ARFGAP3: variants seen among roughly 807,000 people sequenced by gnomAD.
ARFGAP3 encodes the protein ADP-ribosylation factor GTPase-activating protein 3.
In ARFGAP3, 72 loss-of-function variants were observed where a neutral mutation model predicts 75.0. The observed-to-expected ratio is 0.96, with a 90% CI of 0.79 to 1.17. The LOEUF (loss-of-function observed/expected upper bound fraction) is 1.17. Among genes scored for constraint, ARFGAP3 ranks in the 50% most tolerant of loss-of-function variants. ARFGAP3 has a pLI of 0.00. For synonymous variants in ARFGAP3, 221 were observed against 217.9 expected (o/e 1.01, Z -0.13); for missense variants, 620 against 626.6 (o/e 0.99, Z 0.11).
intron 14 of ARFGAP3, among the ~76,000 whole-genome samples, chr22:42,802,851 C>T (rs1225874331): frequency 7.2e-5 from 11 of 152,094 alleles, no homozygotes; most frequent in South Asian, 2.1e-4. Flanking sequence ...CTGCCCGCCT[C>T]GGCCTCCCAA....
At chr22:42,841,711 T>C (rs17410352) in intron 2 of ARFGAP3, among the ~76,000 whole-genome samples, 4,368 of 152,220 alleles carry the variant, frequency 0.029, 81 homozygotes, top group African/African-American at 0.04. Flanking sequence ...TATTCAGTAA[T>C]AGCTTGCCCT....
intron 11 of ARFGAP3, among the ~76,000 whole-genome samples, chr22:42,815,391 TG>T (rs1569143931): frequency 6.7e-6 from 1 of 149,740 alleles, no homozygotes; most frequent in African/African-American, 2.5e-5. Context: ...AATACCACCA[TG>T]GAACACCACT....
chr22:42,808,766 C>T lies in ARFGAP3; in HGVS notation c.1320+1G>A, dbSNP rs1277821937. 2 of 1,609,400 alleles carry T rather than the reference C, an allele frequency of 1.2e-6. No individual in the cohort carries two copies. Among genetic ancestry groups the T allele is most frequent in the African/African-American group, 1.3e-5 (1 of 74,812 alleles). ...CCCAAAGAAACTCTCTGGACCCTTA[C>T]ATCAGCCTGGGATTGTCTTCCAAAA... On this transcript the variant is annotated splice_donor_variant, in intron 13 of 15. Transcript: ENST00000263245. LOFTEE classifies it high-confidence loss of function.
At chr22:42,832,252 G>A (rs1926326321) in intron 5 of ARFGAP3, among the ~76,000 whole-genome samples, 1 of 151,856 alleles carries the variant, frequency 6.6e-6, no homozygotes, top group South Asian at 2.1e-4. Flanking sequence ...AATAAGCTGG[G>A]CACAGTGGCT....
chr22:42,804,744 G>A (rs906182725), intron 14 of ARFGAP3, among the ~76,000 whole-genome samples: 2 of 152,040 alleles, frequency 1.3e-5, no homozygotes, highest in Non-Finnish European at 2.9e-5. Flanking sequence ...TTGAACTCTC[G>A]ACCTCAGGTG....
chr22:42,823,541 C>A (rs1209576148), intron 8 of ARFGAP3, 115 bp downstream of exon 8: 4 of 743,742 alleles, frequency 5.4e-6, no homozygotes, highest in East Asian at 3.1e-5. Context: ...CTCCTTATAT[C>A]AAAGCTACAT....
At chr22:42,828,857 G>C (rs1926161364) in intron 6 of ARFGAP3, among the ~76,000 whole-genome samples, 1 of 151,760 alleles carries the variant, frequency 6.6e-6, no homozygotes, top group South Asian at 2.1e-4. Context: ...GCTAATTTTT[G>C]TATTTTTAGT....
At chr22:42,840,056 G>A (rs541607577) in intron 3 of ARFGAP3, among the ~76,000 whole-genome samples, 4 of 151,938 alleles carry the variant, frequency 2.6e-5, no homozygotes, top group South Asian at 4.2e-4. Context: ...TCAGCCTCCC[G>A]AGTAGCTGGG....
chr22:42,837,675 CTTTTTTT>C (rs71186547), intron 3 of ARFGAP3, among the ~76,000 whole-genome samples: 13 of 75,666 alleles, frequency 1.7e-4, no homozygotes, highest in African/African-American at 5.6e-4. Context: ...AGGCATACTT[CTTTTTTT>C]TTTTTTTTTT....
intron 3 of ARFGAP3, among the ~76,000 whole-genome samples, chr22:42,837,290 C>T (rs1308984507): frequency 3.9e-5 from 6 of 151,972 alleles, no homozygotes; most frequent in African/African-American, 1.5e-4. Context: ...AGTGAGACCA[C>T]GCCTCTACAA....
At chr22:42,807,893 T>C (rs1393107165) in intron 13 of ARFGAP3, among the ~76,000 whole-genome samples, 1 of 151,434 alleles carries the variant, frequency 6.6e-6, no homozygotes, top group African/African-American at 2.4e-5. Context: ...TAGAAGCGCG[T>C]ACCACCATAC....
At chr22:42,846,318 G>A (rs555692272) in intron 2 of ARFGAP3, among the ~76,000 whole-genome samples, 33 of 152,352 alleles carry the variant, frequency 2.2e-4, no homozygotes, top group African/African-American at 7.7e-4. Context: ...AAGGGCCTGT[G>A]GCAGGTGACA....
chr22:42,826,936 T>C lies in ARFGAP3; in HGVS notation c.625+4A>G, dbSNP rs763439347. ...ATCAGAATGTAGGATTTTAAGCATA[T>C]TACCTAAAGTAGCCTTTGTTGGTAC... On this transcript the variant is annotated splice_donor_region_variant and intron_variant, in intron 7 of 15. Coordinates refer to ENST00000263245, the MANE Select transcript of ARFGAP3 (RefSeq NM_014570.5). 16 of 1,611,456 alleles carry C rather than the reference T, an allele frequency of 9.9e-6. No individual in the cohort carries two copies. The African/African-American group carries it at 2.0e-4, about 20-fold the overall frequency.
Position 42,823,581 on chromosome 22 carries a change from C to G in ARFGAP3, c.672+75G>C, listed in dbSNP as rs957383125. On this transcript the variant is annotated intron_variant, in intron 8 of 15. Transcript: ENST00000263245. ...TACAAGATGGTTCAAAAGAATAAAA[C>G]TAAAATGACGAAGCGGCTTTTTAGT... 9 of 1,110,386 alleles carry G rather than the reference C, an allele frequency of 8.1e-6. No individual in the cohort carries two copies. The African/African-American group carries it at 1.3e-4, about 16-fold the overall frequency. 68.8% of individuals were successfully genotyped at this position (1,110,386 alleles called of 1,614,324 possible).
intron 9 of ARFGAP3, chr22:42,818,087 A>G (rs1925658780): frequency 5.6e-6 from 1 of 177,290 alleles, no homozygotes. Context: ...AACCTATACC[A>G]CTGTTCAAGT....
At chr22:42,805,767 C>A (rs1925090818) in intron 14 of ARFGAP3, among the ~76,000 whole-genome samples, 1 of 152,214 alleles carries the variant, frequency 6.6e-6, no homozygotes, top group Admixed American at 6.5e-5. Flanking sequence ...CCCCAGGCAC[C>A]CTCACACTCT....
chr22:42,829,807 T>C (rs1926205694), intron 6 of ARFGAP3, among the ~76,000 whole-genome samples: 1 of 152,216 alleles, frequency 6.6e-6, no homozygotes, highest in Non-Finnish European at 1.5e-5. Flanking sequence ...GCTTTACCCA[T>C]GTTTTCTTCT....
At chr22:42,814,225 G>C (rs1925485196) in intron 11 of ARFGAP3, among the ~76,000 whole-genome samples, 1 of 152,142 alleles carries the variant, frequency 6.6e-6, no homozygotes, top group African/African-American at 2.4e-5. Context: ...TAATGTTCAA[G>C]TTCTAATGGG....
At chr22:42,826,431 G>GT (rs1373412452) in intron 7 of ARFGAP3, among the ~76,000 whole-genome samples, 2 of 151,728 alleles carry the variant, frequency 1.3e-5, no homozygotes, top group Admixed American at 6.6e-5. Context: ...CCAGGGCAGA[G>GT]TGCAGTGGTG....
Sources: gnomAD v4.1 joint callset for allele counts (sites outside exome capture counted in the v4.1 genomes callset) on GRCh38, gnomAD v4.1.1 for gene constraint, MANE v1.5 for transcripts, NCBI Gene and HGNC (gene_info 2026-07-23, HGNC 2026-07-21) for gene names.